ALDH6A1: variants seen among roughly 807,000 people sequenced by gnomAD.
The protein encoded by ALDH6A1 is aldehyde dehydrogenase 6 family member A1.
Under a neutral mutation model 62.6 loss-of-function variants are expected in ALDH6A1, and 43 were observed. The observed-to-expected ratio is 0.69, with a 90% CI of 0.54 to 0.89. The LOEUF (loss-of-function observed/expected upper bound fraction) is 0.89. Among genes scored for constraint, ALDH6A1 ranks in the 40% least tolerant of loss-of-function variants. The pLI is 0.00. For synonymous variants in ALDH6A1, 194 were observed against 234.2 expected, an observed-to-expected ratio of 0.83 and a Z score of 1.57; for missense variants, 551 against 661.3, an observed-to-expected ratio of 0.83 and a Z score of 1.83.
At chr14:74,077,476 G>A (rs889253912) in intron 1 of ALDH6A1, among the ~76,000 whole-genome samples, 110 of 152,124 alleles carry the variant, frequency 7.2e-4, no homozygotes, top group Admixed American at 6.4e-3. Context: ...AGCTTCTGGC[G>A]AGGGCTTCTG....
At chr14:74,076,350 C>T (rs1192954960) in intron 1 of ALDH6A1, among the ~76,000 whole-genome samples, 1 of 152,066 alleles carries the variant, frequency 6.6e-6, no homozygotes, top group Non-Finnish European at 1.5e-5. Context: ...CTAAAAAAGT[C>T]TGTATATATG....
intron 2 of ALDH6A1, 32 bp downstream of exon 2, chr14:74,074,923 C>G: frequency 1.2e-6 from 2 of 1,604,868 alleles, no homozygotes; most frequent in South Asian, 2.2e-5. Context: ...AATTCCTTCT[C>G]AGAAGTCAAC....
intron 2 of ALDH6A1, among the ~76,000 whole-genome samples, chr14:74,074,716 C>G (rs571719321): frequency 3.5e-4 from 53 of 152,156 alleles, no homozygotes; most frequent in Non-Finnish European, 6.8e-4. Flanking sequence ...AAAAACCACT[C>G]TAAAGGTCAT....
chr14:74,079,472 C>T (rs1265656272), intron 1 of ALDH6A1, among the ~76,000 whole-genome samples: 12 of 147,242 alleles, frequency 8.1e-5, no homozygotes, highest in African/African-American at 2.8e-4. Flanking sequence ...CTCACTCTGT[C>T]GCCCAGGCTG....
chr14:74,058,110 T>C lies in ALDH6A1; in HGVS notation c.*2532A>G, dbSNP rs1595097023. ...TGGGAGGCCGAGGTGGGCGGATCAT[T>C]AGGTCAGGAGATTGAGACCATCCTG... On this transcript the variant is annotated 3_prime_UTR_variant, in exon 12 of 12. Transcript: ENST00000553458. 1 of 162,666 alleles carries C rather than the reference T, an allele frequency of 6.1e-6. No homozygotes were observed. The highest frequency in any genetic ancestry group is 2.4e-5 in the African/African-American group (1 of 41,528). The allele number at this position is 162,666 out of a possible 1,614,324, so 10.1% of individuals were successfully genotyped here.
intron 5 of ALDH6A1, 56 bp downstream of exon 5, chr14:74,071,840 G>T: frequency 6.3e-7 from 1 of 1,576,052 alleles, no homozygotes; most frequent in Non-Finnish European, 8.7e-7. Context: ...TGCGATCTTT[G>T]CCTCCCATCT....
chr14:74,078,399 G>A (rs1197023772), intron 1 of ALDH6A1: 1 of 359,446 alleles, frequency 2.8e-6, no homozygotes, highest in African/African-American at 2.1e-5. Flanking sequence ...TGTCTCCTAG[G>A]CTGGAATGCA....
At chr14:74,081,453 G>A (rs1397138729) in intron 1 of ALDH6A1, among the ~76,000 whole-genome samples, 3 of 152,124 alleles carry the variant, frequency 2.0e-5, no homozygotes, top group African/African-American at 7.2e-5. Context: ...GCTGTTAAGA[G>A]GATGTAAAAA....
At position 74,072,546 on chromosome 14, in the gene ALDH6A1, GAT is replaced by G; in HGVS notation, c.175_176del (p.Ile59ProfsTer7). 6.2e-7 allele frequency: 1 copy of G among 1,614,052 alleles called. No homozygotes were observed. Among genetic ancestry groups the G allele is most frequent in the South Asian group, 1.1e-5 (1 of 91,076 alleles). ...AAGCAGCTTCGCTTACTGGGTTGTG[GAT>G]ATCGATCCATTTGTCACTTTTGGAT... is the stretch of plus-strand genomic sequence containing the variant. ...VESKSDKWID[I>X]HNPATNEVIG... On this transcript the variant is annotated frameshift_variant, in exon 3 of 12. Transcript: ENST00000553458. LOFTEE classifies it high-confidence loss of function.
chr14:74,078,161 A>G (rs2060633414), intron 1 of ALDH6A1: 1 of 454,872 alleles, frequency 2.2e-6, no homozygotes, highest in Admixed American at 2.4e-5. Context: ...TTCCTCTTGT[A>G]CTTTCAGGAG....
chr14:74,082,393 GTTTTTTTTTTTTTTT>G (rs869211328), intron 1 of ALDH6A1, among the ~76,000 whole-genome samples: 4 of 77,568 alleles, frequency 5.2e-5, no homozygotes, highest in Non-Finnish European at 9.4e-5. Flanking sequence ...CAAAATCGAG[GTTTTTTTTTTTTTTT>G]TTTTTTTTTT....
At chr14:74,067,743 G>C (rs1399953387) in intron 7 of ALDH6A1, among the ~76,000 whole-genome samples, 174 bp from the exon 8 acceptor site, 1 of 151,660 alleles carries the variant, frequency 6.6e-6, no homozygotes, top group Non-Finnish European at 1.5e-5. Context: ...AGGCAACATA[G>C]TGAAACACCA....
At chr14:74,065,538 C>T in intron 9 of ALDH6A1, 178 bp from the exon 10 acceptor site, 1 of 628,264 alleles carries the variant, frequency 1.6e-6, no homozygotes, top group Non-Finnish European at 2.8e-6. Flanking sequence ...TGTATTCCGT[C>T]TTCCAAGTTA....
At chr14:74,070,920 G>A in intron 6 of ALDH6A1, 1 of 445,518 alleles carries the variant, frequency 2.2e-6, no homozygotes, top group Non-Finnish European at 4.1e-6. Flanking sequence ...TCTTCACACT[G>A]AAGAAAAAAG....
intron 7 of ALDH6A1, among the ~76,000 whole-genome samples, chr14:74,068,048 C>T (rs1406450893): frequency 1.4e-5 from 2 of 147,948 alleles, no homozygotes; most frequent in Admixed American, 6.7e-5. Context: ...ATGCCAGTAA[C>T]CAGCTGAAAG....
At chr14:74,076,855 A>G (rs1045028177) in intron 1 of ALDH6A1, among the ~76,000 whole-genome samples, 4 of 152,076 alleles carry the variant, frequency 2.6e-5, no homozygotes, top group African/African-American at 9.7e-5. Context: ...CAGCCTATAT[A>G]TATGTTATCA....
intron 6 of ALDH6A1, among the ~76,000 whole-genome samples, chr14:74,069,814 C>A (rs894841691): frequency 6.7e-6 from 1 of 149,616 alleles, no homozygotes; most frequent in Admixed American, 6.6e-5. Flanking sequence ...TGATTTTTCT[C>A]ATTTGCTATT....
At chr14:74,083,328 C>T (rs911597605) in intron 1 of ALDH6A1, among the ~76,000 whole-genome samples, 13 of 152,130 alleles carry the variant, frequency 8.5e-5, no homozygotes, top group African/African-American at 2.9e-4. Context: ...TTCTTGCCTG[C>T]GGTAAATCTT....
rs1595118923 is a variant in ALDH6A1 at position 74,067,425 on chromosome 14, G to A, written c.997C>T (p.Leu333=). 6.2e-7 allele frequency: 1 copy of A among 1,614,084 alleles called. No homozygotes were observed. The highest frequency in any genetic ancestry group is 8.5e-7 in the Non-Finnish European group (1 of 1,180,048). ...AVLVGEAKKW[L]PELVEHAKNL... is the part of the protein sequence containing the mutation. ...TTGGCATGCTCCACCAGCTCTGGCA[G>A]CCACTTCTTGGCTTCTCCCACAAGG... Residue 333 remains leucine (L), a synonymous_variant, in exon 8 of 12, where the codon CTG becomes TTG. Coordinates refer to ENST00000553458, the MANE Select transcript of ALDH6A1 (RefSeq NM_005589.4).
Sources: gnomAD v4.1 joint callset for allele counts (sites outside exome capture counted in the v4.1 genomes callset) on GRCh38, gnomAD v4.1.1 for gene constraint, MANE v1.5 for transcripts, NCBI Gene and HGNC (gene_info 2026-07-23, HGNC 2026-07-21) for gene names.